Variants in MSH3 observed in about 807,000 individuals in gnomAD.
MSH3 encodes mutS homolog 3.
MSH3 carries 106 observed loss-of-function variants against 123.3 expected under a neutral mutation model. The observed-to-expected ratio is 0.86, with a 90% CI of 0.73 to 1.01. MSH3 has a LOEUF of 1.01. Ranked by LOEUF, MSH3 falls within the 50% of genes least tolerant of loss-of-function variation. The pLI is 0.00. For missense variants in MSH3, 1,459 were observed against 1,347.6 expected (o/e 1.08, Z -1.29); for synonymous variants, 515 against 481.4 (o/e 1.07, Z -0.91).
intron 7 of MSH3, among the ~76,000 whole-genome samples, chr5:80,677,907 C>T (rs1167247765): frequency 6.6e-6 from 1 of 152,112 alleles, no homozygotes; most frequent in African/African-American, 2.4e-5. Flanking sequence ...TGCATTCTTT[C>T]TAGTTTACAG....
intron 12 of MSH3, among the ~76,000 whole-genome samples, chr5:80,753,278 G>A (rs1301985833): frequency 6.6e-6 from 1 of 152,104 alleles, no homozygotes; most frequent in Non-Finnish European, 1.5e-5. Context: ...GGATGGCAGG[G>A]GGAAGGCTGG....
intron 12 of MSH3, among the ~76,000 whole-genome samples, chr5:80,745,602 G>A (rs950859814): frequency 6.6e-6 from 1 of 152,208 alleles, no homozygotes; most frequent in Non-Finnish European, 1.5e-5. Flanking sequence ...TTATACCTCT[G>A]GCTAGACCAG....
intron 8 of MSH3, among the ~76,000 whole-genome samples, chr5:80,711,758 G>A (rs571129888): frequency 3.3e-5 from 5 of 151,828 alleles, no homozygotes; most frequent in African/African-American, 4.8e-5. Flanking sequence ...GGGTTCAAGC[G>A]ATTCTCCTGC....
At chr5:80,719,306 A>G (rs1014518162) in intron 8 of MSH3, among the ~76,000 whole-genome samples, 1 of 152,172 alleles carries the variant, frequency 6.6e-6, no homozygotes, top group African/African-American at 2.4e-5. Flanking sequence ...TCGGCCTCCC[A>G]AAGTGCTGGG....
At position 80,801,141 on chromosome 5, in the gene MSH3, T is replaced by C. The variant is rs1744782676; in HGVS notation, c.2655+8297T>C. 2.6e-5 allele frequency among the ~76,000 whole-genome samples: 4 copies of C among 152,238 alleles called. No homozygotes were observed. The South Asian group carries it at 8.3e-4, about 31-fold the overall frequency. ...GACATGGCCTTTAGACTGTGACCTT[T>C]AGACACTTAGAAGTGCTCTGAGGAT... On this transcript the variant is annotated intron_variant, in intron 19 of 23. Transcript: ENST00000265081.
intron 19 of MSH3, among the ~76,000 whole-genome samples, chr5:80,809,803 T>A (rs187734254): frequency 2.7e-4 from 41 of 152,350 alleles, no homozygotes; most frequent in Non-Finnish European, 5.3e-4. Context: ...AAATGTCATT[T>A]GGAAGTTATG....
intron 10 of MSH3, 137 bp downstream of exon 10, chr5:80,729,102 G>T: frequency 3.2e-6 from 2 of 621,186 alleles, no homozygotes; most frequent in South Asian, 3.9e-5. Context: ...GAGCTGTTTG[G>T]TATTGTTGCT....
chr5:80,656,505 G>A lies in MSH3; in HGVS notation c.332G>A (p.Ser111Asn). Residue 111 changes from serine to asparagine, a missense_variant, in exon 2 of 24, where the codon AGT (serine) becomes AAT (asparagine). Transcript: ENST00000265081. Reference sequence around the variant, plus strand: ...AAAGTCCAACAAAAGGAAGGAGGAAGTGATCTGGGAATGTCTGGCAACTCT... The same window carrying A: ...AAAGTCCAACAAAAGGAAGGAGGAAATGATCTGGGAATGTCTGGCAACTCT... ...VKKVQQKEGGSDLGMSGNSEP... is the reference protein window; with the variant it reads ...VKKVQQKEGGNDLGMSGNSEP... 6.2e-7 allele frequency: 1 copy of A among 1,614,202 alleles called. No homozygotes were observed. Among genetic ancestry groups the A allele is most frequent in the Non-Finnish European group, 8.5e-7 (1 of 1,180,038 alleles).
At chr5:80,658,035 C>CCTTTTTTTTTTTTTTTTTTTTTTTTT (rs369384745) in intron 2 of MSH3, among the ~76,000 whole-genome samples, 2 of 87,218 alleles carry the variant, frequency 2.3e-5, no homozygotes, top group Non-Finnish European at 4.4e-5. Flanking sequence ...GCTTTTTGCC[C>CCTTTTTTTTTTTTTTTTTTTTTTTTT]TCTTTTTTTT....
At chr5:80,668,930 C>T (rs1231217157) in intron 3 of MSH3, among the ~76,000 whole-genome samples, 5 of 152,214 alleles carry the variant, frequency 3.3e-5, no homozygotes, top group African/African-American at 4.8e-5. Flanking sequence ...TGGCTCCTGT[C>T]GGTTCTGTGG....
chr5:80,671,233 G>A (rs914493825), intron 4 of MSH3, among the ~76,000 whole-genome samples: 1 of 152,208 alleles, frequency 6.6e-6, no homozygotes, highest in African/African-American at 2.4e-5. Flanking sequence ...CTTAGGGAAA[G>A]TATTGCAGAT....
intron 8 of MSH3, among the ~76,000 whole-genome samples, chr5:80,716,502 C>T (rs1282320579): frequency 3.9e-5 from 6 of 151,926 alleles, no homozygotes; most frequent in Non-Finnish European, 5.9e-5. Flanking sequence ...TGGCCTCAAG[C>T]GATCCTCCTG....
chr5:80,862,281 T>C (rs888225018), intron 21 of MSH3, among the ~76,000 whole-genome samples: 10 of 152,168 alleles, frequency 6.6e-5, no homozygotes, highest in Admixed American at 5.9e-4. Context: ...TTATTTGTTA[T>C]TGTTATCAGA....
At chr5:80,690,429 T>G (rs1324794803) in intron 8 of MSH3, among the ~76,000 whole-genome samples, 2 of 152,124 alleles carry the variant, frequency 1.3e-5, no homozygotes, top group Non-Finnish European at 2.9e-5. Flanking sequence ...TGCCTCAGAC[T>G]CCCCAGTAGC....
At chr5:80,750,232 T>G (rs1456850397) in intron 12 of MSH3, among the ~76,000 whole-genome samples, 3 of 152,094 alleles carry the variant, frequency 2.0e-5, no homozygotes, top group Non-Finnish European at 4.4e-5. Context: ...CATACTGATT[T>G]CAATTCCTTT....
intron 19 of MSH3, among the ~76,000 whole-genome samples, chr5:80,811,584 G>C (rs922694014): frequency 6.6e-6 from 1 of 151,414 alleles, no homozygotes; most frequent in African/African-American, 2.4e-5. Context: ...AAAAATTCTT[G>C]TTTTGTTCTC....
chr5:80,727,064 G>A (rs1407666745), intron 9 of MSH3, among the ~76,000 whole-genome samples: 1 of 152,190 alleles, frequency 6.6e-6, no homozygotes, highest in Non-Finnish European at 1.5e-5. Flanking sequence ...TGAGGAGCCT[G>A]TATTTCTTGC....
intron 19 of MSH3, 70 bp downstream of exon 19, chr5:80,792,914 T>TGG: frequency 9.7e-7 from 1 of 1,030,906 alleles, no homozygotes; most frequent in African/African-American, 1.6e-5. Flanking sequence ...AGAAACATTT[T>TGG]TATAATTAAA....
intron 17 of MSH3, among the ~76,000 whole-genome samples, chr5:80,786,396 A>G (rs1744509771): frequency 1.3e-5 from 2 of 152,310 alleles, no homozygotes; most frequent in South Asian, 4.1e-4. Flanking sequence ...TGTAAAGAAT[A>G]TGTAGTGGCT....
Sources: allele counts gnomAD v4.1 joint callset (sites outside exome capture counted in the v4.1 genomes callset), GRCh38; gene constraint gnomAD v4.1.1; transcripts MANE v1.5; gene names NCBI Gene and HGNC (gene_info 2026-07-23, HGNC 2026-07-21).